The following ALK variants were observed in gnomAD, a reference collection of about 807,000 sequenced individuals.
The protein encoded by ALK is ALK receptor tyrosine kinase, also known as ALK tyrosine kinase receptor.
A neutral mutation model predicts 163.1 loss-of-function variants in ALK; 74 were observed. The observed-to-expected ratio is 0.45, with a 90% CI of 0.38 to 0.55. The LOEUF (loss-of-function observed/expected upper bound fraction) is 0.55, where lower values mean the gene tolerates loss of function less well. Among genes scored for constraint, ALK ranks in the 20% least tolerant of loss-of-function variants. The pLI, the probability that ALK is intolerant of heterozygous loss-of-function variation, is 0.00. For synonymous variants in ALK, 960 were observed against 843.2 expected (o/e 1.14, Z -2.40); for missense variants, 2,063 against 2,105.3 (o/e 0.98, Z 0.39).
intron 5 of ALK, among the ~76,000 whole-genome samples, chr2:29,348,172 A>G (rs1668007953): frequency 6.6e-6 from 1 of 152,118 alleles, no homozygotes. Flanking sequence ...CATGAGTTGT[A>G]GGATTCTGCC....
chr2:29,328,420 G>C lies in ALK; in HGVS notation c.1344C>G (p.Val448=), dbSNP rs896199996. The change falls in exon 6 of 29, where the codon GTC becomes GTG. Residue 448 remains valine (V), a synonymous_variant. Transcript: ENST00000389048. ...QSSFTCWNGT[V]LQLGQACDFH... is the part of the protein sequence containing the mutation. ...AGTCACAGGCCTGCCCAAGCTGGAG[G>C]ACTGTCCCATTCCAACAAGTGAAGG... The C allele has an allele frequency of 2.3e-5, 37 of 1,614,078 alleles. No homozygotes were observed. The highest frequency in any genetic ancestry group is 3.1e-5 in the Non-Finnish European group (37 of 1,180,028).
chr2:29,535,440 T>A (rs918549813), intron 3 of ALK, among the ~76,000 whole-genome samples: 2 of 152,242 alleles, frequency 1.3e-5, no homozygotes, highest in Admixed American at 6.5e-5. Context: ...CTCTTTTGTA[T>A]CTGTTCAGTT....
intron 3 of ALK, among the ~76,000 whole-genome samples, chr2:29,678,376 A>C (rs1573549025): frequency 1.3e-5 from 2 of 151,942 alleles, no homozygotes; most frequent in South Asian, 2.1e-4. Context: ...ATTTCTTAAA[A>C]TAAAAACTTA....
At chr2:29,495,109 T>A (rs1232561412) in intron 4 of ALK, among the ~76,000 whole-genome samples, 1 of 152,172 alleles carries the variant, frequency 6.6e-6, no homozygotes, top group Non-Finnish European at 1.5e-5. Context: ...AACAGGATGT[T>A]TAATGTGCAT....
intron 1 of ALK, among the ~76,000 whole-genome samples, chr2:29,800,381 C>A (rs1360044398): frequency 6.6e-6 from 1 of 152,176 alleles, no homozygotes; most frequent in Non-Finnish European, 1.5e-5. Context: ...GAAGCTCAGG[C>A]AAGGAATGTG....
intron 8 of ALK, 43 bp downstream of exon 8, chr2:29,318,261 G>A (rs1666891841): frequency 6.6e-7 from 1 of 1,504,050 alleles, no homozygotes; most frequent in African/African-American, 1.4e-5. Context: ...GTGACAAGAG[G>A]TGGGAGGAGA....
At chr2:29,235,304 T>C (rs75864380) in intron 13 of ALK, among the ~76,000 whole-genome samples, 11,588 of 152,302 alleles carry the variant, frequency 0.076, 559 homozygotes, top group Non-Finnish European at 0.11. Flanking sequence ...CGTAACCAGC[T>C]AGTGGATGCA....
rs764607514 is a variant in ALK, at chr2:29,239,707, C to T, written c.2328G>A (p.Gly776=). Residue 776 remains glycine (G), a synonymous_variant, in exon 13 of 29, where the codon GGG becomes GGA. Transcript: ENST00000389048. ...EKDDMLYILV[G]QQGEDACPST... is the part of the protein sequence containing the mutation. ...TGGGGCAGGCGTCCTCTCCCTGCTG[C>T]CCAACCAGGATGTACAGCATGTCAT... 5.6e-6 allele frequency: 9 copies of T among 1,613,888 alleles called. No homozygotes were observed. Among genetic ancestry groups the T allele is most frequent in the Admixed American group, 1.7e-5 (1 of 60,006 alleles).
intron 2 of ALK, among the ~76,000 whole-genome samples, chr2:29,702,082 A>G (rs539020508): frequency 1.3e-5 from 2 of 152,246 alleles, no homozygotes; most frequent in East Asian, 3.9e-4. Flanking sequence ...TGACTCTGAA[A>G]GTATCACCTA....
intron 3 of ALK, among the ~76,000 whole-genome samples, chr2:29,566,073 C>T (rs1573461027): frequency 6.6e-6 from 1 of 152,108 alleles, no homozygotes; most frequent in East Asian, 1.9e-4. Context: ...GACAAACTTA[C>T]AGGGACAAAA....
intron 8 of ALK, among the ~76,000 whole-genome samples, chr2:29,314,298 G>A (rs1000506674): frequency 6.6e-6 from 1 of 152,108 alleles, no homozygotes; most frequent in African/African-American, 2.4e-5. Flanking sequence ...ATGACACAAA[G>A]GATGGGTCCC....
intron 5 of ALK, among the ~76,000 whole-genome samples, chr2:29,334,971 C>G (rs55718606): frequency 0.01 from 1,548 of 152,280 alleles, 41 homozygotes; most frequent in African/African-American, 0.035. Flanking sequence ...CCTGAGTTCC[C>G]AAACAGCATC....
chr2:29,255,179 T>A (rs1664920492), intron 11 of ALK, among the ~76,000 whole-genome samples: 1 of 152,170 alleles, frequency 6.6e-6, no homozygotes, highest in Non-Finnish European at 1.5e-5. Flanking sequence ...CAGCACTGCC[T>A]CTGGGGGTGT....
At chr2:29,238,219 CAG>C (rs947051550) in intron 13 of ALK, among the ~76,000 whole-genome samples, 2 of 152,148 alleles carry the variant, frequency 1.3e-5, no homozygotes, top group African/African-American at 2.4e-5. Context: ...CTTTTTGCGA[CAG>C]AGTTTTGCTC....
Position 29,309,346 on chromosome 2 carries a change from G to T in ALK, c.1647+8958C>A, listed in dbSNP as rs148406970. ...GTGATTAACATACAGCTTTTGAATGGGAACCAAGTCTGTGCCAAGTGCCAA... is the reference window on the plus strand; with the variant it reads ...GTGATTAACATACAGCTTTTGAATGTGAACCAAGTCTGTGCCAAGTGCCAA... On this transcript the variant is annotated intron_variant, in intron 8 of 28. Coordinates refer to ENST00000389048, the MANE Select transcript of ALK (RefSeq NM_004304.5). Among the ~76,000 whole-genome samples the T allele has an allele frequency of 7.2e-5, 11 of 152,266 alleles. No homozygotes were observed. In the East Asian group the frequency reaches 2.1e-3, roughly 29 times the overall value.
chr2:29,397,664 T>C (rs1669343431), intron 4 of ALK, among the ~76,000 whole-genome samples: 1 of 152,230 alleles, frequency 6.6e-6, no homozygotes, highest in Non-Finnish European at 1.5e-5. Flanking sequence ...ACAACTTATT[T>C]CTTGCAAAGC....
chr2:29,217,132 GT>G (rs1669655557), intron 23 of ALK, among the ~76,000 whole-genome samples: 4 of 2,446 alleles, frequency 1.6e-3, no homozygotes, highest in Admixed American at 8.6e-3. Flanking sequence ...CGTGTGTGGT[GT>G]GTGTGTGTGT....
At chr2:29,247,696 C>T (rs1209361397) in intron 12 of ALK, among the ~76,000 whole-genome samples, 1 of 152,142 alleles carries the variant, frequency 6.6e-6, no homozygotes, top group East Asian at 1.9e-4. Context: ...ATGGTGGCCC[C>T]CCCTTGGCAT....
chr2:29,773,452 G>A (rs1275371493), intron 1 of ALK, among the ~76,000 whole-genome samples: 2 of 152,154 alleles, frequency 1.3e-5, no homozygotes, highest in Non-Finnish European at 2.9e-5. Context: ...GATAGAGGAA[G>A]TCTCTGCTTT....
Sources: allele counts gnomAD v4.1 joint callset (sites outside exome capture counted in the v4.1 genomes callset), GRCh38; gene constraint gnomAD v4.1.1; transcripts MANE v1.5; gene names NCBI Gene and HGNC (gene_info 2026-07-23, HGNC 2026-07-21).